ZNF362: variants seen among roughly 807,000 people sequenced by gnomAD.
The protein encoded by ZNF362 is rotund homolog.
Under a neutral mutation model 42.9 loss-of-function variants are expected in ZNF362, and 11 were observed. The ratio of observed to expected loss-of-function variants is 0.26; its 90% CI spans 0.16 to 0.42. The LOEUF is 0.42. ZNF362 is among the 20% of genes least tolerant of loss of function. The pLI is 1.00. For synonymous variants in ZNF362, 255 were observed against 257.3 expected (o/e 0.99, Z 0.09); for missense variants, 362 against 576.2 (o/e 0.63, Z 3.81).
the ZNF362 span, among the ~76,000 whole-genome samples, chr1:33,215,623 G>C: frequency 3.9e-5 from 6 of 152,006 alleles, no homozygotes; most frequent in African/African-American, 1.4e-4. Flanking sequence ...ATTGCCCTAT[G>C]TACTCCATGA....
chr1:33,256,428 C>T (rs1645790733), upstream of ZNF362: 1 of 140,490 alleles, frequency 7.1e-6, no homozygotes. Flanking sequence ...CTGGGGGCCG[C>T]GCGGCGCTGC....
the ZNF362 span, chr1:33,164,513 A>C: frequency 1.3e-5 from 2 of 152,328 alleles, no homozygotes; most frequent in African/African-American, 4.8e-5. Flanking sequence ...AAAGCATGCA[A>C]TTTACCCAAA....
chr1:33,256,035 G>T (rs1248231259), upstream of ZNF362, among the ~76,000 whole-genome samples: 1 of 151,680 alleles, frequency 6.6e-6, no homozygotes, highest in Non-Finnish European at 1.5e-5. Flanking sequence ...CCCGCGCTGG[G>T]GAAGGGGCTG....
the ZNF362 span, among the ~76,000 whole-genome samples, chr1:33,200,928 C>A: frequency 6.6e-6 from 1 of 152,082 alleles, no homozygotes; most frequent in African/African-American, 2.4e-5. Flanking sequence ...TGGACACAGA[C>A]AAGGTACAGA....
At chr1:33,169,110 T>C in the ZNF362 span, among the ~76,000 whole-genome samples, 1 of 152,102 alleles carries the variant, frequency 6.6e-6, no homozygotes, top group Non-Finnish European at 1.5e-5. Context: ...TGGGGAGAGA[T>C]GAGGTGTGAG....
the ZNF362 span, among the ~76,000 whole-genome samples, chr1:33,218,986 C>CACATACATA: frequency 3.4e-5 from 5 of 146,360 alleles, no homozygotes; most frequent in South Asian, 4.5e-4. Context: ...CACACATACA[C>CACATACATA]CACCCCCTGC....
chr1:33,287,658 T>C (rs1488461639), intron 6 of ZNF362, among the ~76,000 whole-genome samples: 2 of 152,238 alleles, frequency 1.3e-5, no homozygotes, highest in African/African-American at 4.8e-5. Context: ...GACAGAGTGA[T>C]GTTATGTACA....
chr1:33,178,495 C>T, the ZNF362 span, among the ~76,000 whole-genome samples: 4 of 152,220 alleles, frequency 2.6e-5, no homozygotes, highest in Non-Finnish European at 5.9e-5. Context: ...AGAGTCTGGG[C>T]ATTCACTCAG....
chr1:33,262,307 T>C (rs1451346582), intron 1 of ZNF362, among the ~76,000 whole-genome samples: 1 of 132,578 alleles, frequency 7.5e-6, no homozygotes, highest in East Asian at 2.2e-4. Flanking sequence ...CTTTTTTTTT[T>C]TTTTTTTTTT....
chr1:33,261,740 G>A (rs1008408940), intron 1 of ZNF362: 2 of 152,202 alleles, frequency 1.3e-5, no homozygotes, highest in African/African-American at 2.4e-5. Flanking sequence ...TATTCGGAGC[G>A]AGGTGGATGT....
chr1:33,189,687 A>G, the ZNF362 span, among the ~76,000 whole-genome samples: 144 of 45,772 alleles, frequency 3.1e-3, 9 homozygotes, highest in Middle Eastern at 0.018. Context: ...ATATATACGT[A>G]TATATATATA....
At chr1:33,172,243 G>C in the ZNF362 span, among the ~76,000 whole-genome samples, 2 of 152,202 alleles carry the variant, frequency 1.3e-5, no homozygotes, top group Admixed American at 1.3e-4. Flanking sequence ...ACTCAGAACG[G>C]GGGGAGCTTC....
the ZNF362 span, among the ~76,000 whole-genome samples, chr1:33,141,365 A>G: frequency 1.8e-3 from 268 of 151,752 alleles, no homozygotes; most frequent in African/African-American, 6.1e-3. Flanking sequence ...TCCCTCCCCT[A>G]TGTGCTGACT....
intron 2 of ZNF362, among the ~76,000 whole-genome samples, chr1:33,274,499 T>A (rs1645928158): frequency 6.6e-6 from 1 of 152,096 alleles, no homozygotes; most frequent in Non-Finnish European, 1.5e-5. Flanking sequence ...AAGTACTTCT[T>A]GTGTTGGGCT....
chr1:33,260,268 C>A (rs1645820475), intron 1 of ZNF362, among the ~76,000 whole-genome samples: 1 of 152,224 alleles, frequency 6.6e-6, no homozygotes, highest in Admixed American at 6.5e-5. Context: ...GCCTACAAGG[C>A]CCTTAATAGT....
At chr1:33,289,378 AG>A (rs1646059239) in intron 6 of ZNF362, among the ~76,000 whole-genome samples, 1 of 152,016 alleles carries the variant, frequency 6.6e-6, no homozygotes, top group Non-Finnish European at 1.5e-5. Flanking sequence ...GAGACCATGG[AG>A]GTTGCCAGAC....
the ZNF362 span, among the ~76,000 whole-genome samples, chr1:33,158,978 C>T: frequency 6.6e-6 from 1 of 151,996 alleles, no homozygotes; most frequent in African/African-American, 2.4e-5. Context: ...ATAGCTGGGA[C>T]TACAGGTGCC....
the ZNF362 span, chr1:33,160,047 T>G: frequency 2.0e-6 from 3 of 1,470,264 alleles, no homozygotes; most frequent in African/African-American, 1.4e-5. Flanking sequence ...GAGGAAAGGG[T>G]GGGAAAGGGC....
chr1:33,246,763 T>C, the ZNF362 span, among the ~76,000 whole-genome samples: 1 of 152,372 alleles, frequency 6.6e-6, no homozygotes, highest in East Asian at 1.9e-4. Context: ...TGGCTCCTAC[T>C]AACTCTGTGA....
Sources: gnomAD v4.1 joint callset for allele counts (sites outside exome capture counted in the v4.1 genomes callset) on GRCh38, gnomAD v4.1.1 for gene constraint, MANE v1.5 for transcripts, NCBI Gene and HGNC (gene_info 2026-07-23, HGNC 2026-07-21) for gene names.